Variants in BMPR1B observed in about 807,000 individuals in gnomAD.
The protein encoded by BMPR1B is bone morphogenetic protein receptor type 1B, also known as bone morphogenetic protein receptor type-1B.
A neutral mutation model predicts 59.1 loss-of-function variants in BMPR1B; 12 were observed. The observed-to-expected ratio is 0.20, with a 90% CI of 0.13 to 0.33. The LOEUF (loss-of-function observed/expected upper bound fraction) is 0.33, where lower values mean the gene tolerates loss of function less well. BMPR1B is among the 10% of genes least tolerant of loss of function. BMPR1B has a pLI of 1.00. For synonymous variants in BMPR1B, 237 were observed against 207.3 expected (o/e 1.14, Z -1.23); for missense variants, 550 against 610.9 (o/e 0.90, Z 1.05).
chr4:94,891,493 A>T (rs1376626219), intron 2 of BMPR1B, among the ~76,000 whole-genome samples: 1 of 152,150 alleles, frequency 6.6e-6, no homozygotes, highest in African/African-American at 2.4e-5. Context: ...AAGAAGTATT[A>T]TAGTGGCTTT....
At chr4:94,802,711 T>C (rs1301136996) in intron 1 of BMPR1B, among the ~76,000 whole-genome samples, 6 of 152,200 alleles carry the variant, frequency 3.9e-5, no homozygotes, top group Admixed American at 3.9e-4. Flanking sequence ...TATTATTTTG[T>C]GTATAATTGA....
At chr4:95,001,721 A>G (rs1031310653) in intron 3 of BMPR1B, among the ~76,000 whole-genome samples, 21 of 152,310 alleles carry the variant, frequency 1.4e-4, no homozygotes, top group Admixed American at 5.9e-4. Flanking sequence ...AAAGAATCCA[A>G]TTGGCTTTTC....
chr4:94,997,570 G>T (rs4450936), intron 3 of BMPR1B, among the ~76,000 whole-genome samples: 145,584 of 152,302 alleles, frequency 0.96, 69,610 homozygotes, highest in Middle Eastern at 0.99. Context: ...CTAATTGATA[G>T]CTTAAACTGT....
chr4:94,856,508 A>G (rs532225641), intron 1 of BMPR1B, among the ~76,000 whole-genome samples: 31 of 152,278 alleles, frequency 2.0e-4, no homozygotes, highest in Non-Finnish European at 3.1e-4. Flanking sequence ...AATGGTAGGC[A>G]TTTTAGTTTT....
intron 6 of BMPR1B, among the ~76,000 whole-genome samples, chr4:95,116,414 A>AGCGCGCACGCGCGCGCGC (rs1553939717): frequency 1.3e-5 from 1 of 74,202 alleles, no homozygotes; most frequent in African/African-American, 4.3e-5. Flanking sequence ...CCATGCTTTC[A>AGCGCGCACGCGCGCGCGC]GCGCGCGCAC....
chr4:95,137,480 C>G (rs1315908214), intron 10 of BMPR1B, among the ~76,000 whole-genome samples: 1 of 152,012 alleles, frequency 6.6e-6, no homozygotes, highest in African/African-American at 2.4e-5. Flanking sequence ...CTTTCTGTCT[C>G]GTTGATCTGT....
intron 2 of BMPR1B, among the ~76,000 whole-genome samples, chr4:94,958,256 G>A (rs186375381): frequency 1.2e-4 from 19 of 152,288 alleles, no homozygotes; most frequent in African/African-American, 4.6e-4. Flanking sequence ...ACAGAGCTGT[G>A]TTGATGAGTA....
chr4:95,013,419 A>G (rs183620972), intron 3 of BMPR1B, among the ~76,000 whole-genome samples: 2 of 152,270 alleles, frequency 1.3e-5, no homozygotes, highest in Admixed American at 6.5e-5. Context: ...AAGGACCCAC[A>G]TGAATAGGCC....
At chr4:94,826,396 G>A (rs1347892315) in intron 1 of BMPR1B, among the ~76,000 whole-genome samples, 1 of 151,176 alleles carries the variant, frequency 6.6e-6, no homozygotes, top group African/African-American at 2.4e-5. Flanking sequence ...CACTCGGGCT[G>A]GACTGCTTCC....
chr4:94,811,063 C>A (rs1490734925), intron 1 of BMPR1B, among the ~76,000 whole-genome samples: 1 of 152,158 alleles, frequency 6.6e-6, no homozygotes, highest in African/African-American at 2.4e-5. Context: ...TATTAATTTT[C>A]TGATTCAGTG....
intron 2 of BMPR1B, among the ~76,000 whole-genome samples, chr4:94,909,695 C>T (rs573071478): frequency 5.9e-5 from 9 of 152,082 alleles, no homozygotes; most frequent in South Asian, 2.1e-4. Context: ...GTTTCTCCCT[C>T]TCACTATAAT....
intron 3 of BMPR1B, among the ~76,000 whole-genome samples, chr4:95,032,932 A>T (rs1724983872): frequency 6.6e-6 from 1 of 152,084 alleles, no homozygotes; most frequent in South Asian, 2.1e-4. Flanking sequence ...ACTATTTTAC[A>T]TTTCCTCCAA....
At chr4:95,018,113 G>A (rs1362633712) in intron 3 of BMPR1B, among the ~76,000 whole-genome samples, 3 of 152,130 alleles carry the variant, frequency 2.0e-5, no homozygotes, top group Non-Finnish European at 4.4e-5. Context: ...GAAATATTTA[G>A]TGATGAAATA....
intron 10 of BMPR1B, among the ~76,000 whole-genome samples, chr4:95,137,173 A>G (rs879568498): frequency 4.9e-4 from 75 of 152,188 alleles, no homozygotes; most frequent in Non-Finnish European, 8.7e-4. Flanking sequence ...TTATGTACCC[A>G]GTAGTCATTC....
intron 2 of BMPR1B, among the ~76,000 whole-genome samples, chr4:94,950,230 G>C (rs1729879463): frequency 6.6e-6 from 1 of 152,086 alleles, no homozygotes; most frequent in Admixed American, 6.5e-5. Context: ...CTCCCATTCT[G>C]TAGGTTGCCT....
intron 2 of BMPR1B, among the ~76,000 whole-genome samples, chr4:94,891,721 T>G (rs1357499191): frequency 6.6e-6 from 1 of 152,066 alleles, no homozygotes; most frequent in Non-Finnish European, 1.5e-5. Flanking sequence ...CATTGCAGAT[T>G]TATTAATATC....
chr4:95,083,411 G>A (rs1579049629), intron 3 of BMPR1B, among the ~76,000 whole-genome samples: 2 of 152,030 alleles, frequency 1.3e-5, no homozygotes, highest in Admixed American at 6.6e-5. Context: ...GATATTTGTT[G>A]TAGAAGCAAA....
intron 2 of BMPR1B, among the ~76,000 whole-genome samples, chr4:94,925,947 C>T (rs1728867237): frequency 1.3e-5 from 2 of 151,876 alleles, no homozygotes; most frequent in Non-Finnish European, 2.9e-5. Context: ...CTGCAAGGCA[C>T]ACATTTCTCC....
At chr4:95,093,034 T>C (rs1311811853) in intron 3 of BMPR1B, among the ~76,000 whole-genome samples, 3 of 152,134 alleles carry the variant, frequency 2.0e-5, no homozygotes, top group Admixed American at 2.0e-4. Context: ...GTTCAGTTTC[T>C]TTTCTAACAA....
Sources: allele counts gnomAD v4.1 joint callset (sites outside exome capture counted in the v4.1 genomes callset), GRCh38; gene constraint gnomAD v4.1.1; transcripts MANE v1.5; gene names NCBI Gene and HGNC (gene_info 2026-07-23, HGNC 2026-07-21).